The following FRMPD4 variants were observed in gnomAD, a reference collection of about 807,000 sequenced individuals.
FRMPD4 encodes the protein FERM and PDZ domain containing 4, also known as FERM and PDZ domain-containing protein 4.
In FRMPD4, 22 loss-of-function variants were observed where a neutral mutation model predicts 94.1. The observed-to-expected ratio is 0.23, with a 90% CI of 0.17 to 0.33. FRMPD4 has a LOEUF of 0.33. Among genes scored for constraint, FRMPD4 ranks in the 10% least tolerant of loss-of-function variants. The pLI, the probability that FRMPD4 is intolerant of heterozygous loss-of-function variation, is 1.00. For missense variants in FRMPD4, 1,111 were observed against 1,339.9 expected (o/e 0.83, Z 2.67); for synonymous variants, 631 against 548.6 (o/e 1.15, Z -2.10).
chrX:12,470,084 A>C (rs187368030), intron 1 of FRMPD4, among the ~76,000 whole-genome samples: 7 of 112,419 alleles, frequency 6.2e-5, no homozygotes, highest in Non-Finnish European at 1.1e-4. Flanking sequence ...CCCCAGATGC[A>C]GTATTATAAG....
chrX:12,626,096 G>A (rs1476635155), intron 4 of FRMPD4, among the ~76,000 whole-genome samples: 1 of 111,436 alleles, frequency 9.0e-6, no homozygotes, highest in Non-Finnish European at 1.9e-5. Context: ...GGAGGCCAAA[G>A]TGGGAGGATC....
intron 2 of FRMPD4, among the ~76,000 whole-genome samples, chrX:12,598,068 A>G (rs1340970141): frequency 9.0e-6 from 1 of 110,636 alleles, no homozygotes; most frequent in Non-Finnish European, 1.9e-5. Flanking sequence ...ATTAGTTGGT[A>G]TATTATAAAC....
At chrX:11,942,968 G>A (rs1165269792) in intron 3 of FRMPD4, among the ~76,000 whole-genome samples, 1 of 111,832 alleles carries the variant, frequency 8.9e-6, no homozygotes, top group Non-Finnish European at 1.9e-5. Flanking sequence ...ATATAAATTG[G>A]ATCTATTTTT....
chrX:12,483,462 A>G (rs941681118), intron 1 of FRMPD4, among the ~76,000 whole-genome samples: 2 of 112,348 alleles, frequency 1.8e-5, no homozygotes, highest in Non-Finnish European at 3.8e-5. Context: ...ATGGATCCCA[A>G]TTTAGCCTGT....
At chrX:11,930,339 G>C (rs2054116093) in intron 3 of FRMPD4, among the ~76,000 whole-genome samples, 1 of 110,535 alleles carries the variant, frequency 9.0e-6, no homozygotes, top group African/African-American at 3.3e-5. Context: ...TTTGGAGAAG[G>C]ACTTTGCAGA....
chrX:12,356,646 T>C (rs1378830292), intron 1 of FRMPD4, among the ~76,000 whole-genome samples: 3 of 112,307 alleles, frequency 2.7e-5, no homozygotes, highest in Non-Finnish European at 3.8e-5. Context: ...GTAAACTTCA[T>C]GCTTTTTGAA....
At chrX:12,524,927 T>C (rs1420636779) in intron 2 of FRMPD4, among the ~76,000 whole-genome samples, 1 of 111,842 alleles carries the variant, frequency 8.9e-6, no homozygotes. Flanking sequence ...TAAACTTTCT[T>C]CAAACATTGT....
At chrX:12,066,512 G>T (rs1220194960) in intron 3 of FRMPD4, among the ~76,000 whole-genome samples, 4 of 111,593 alleles carry the variant, frequency 3.6e-5, no homozygotes, top group Non-Finnish European at 7.5e-5. Context: ...TCTGCTTTTT[G>T]CCCTTTAAAC....
At chrX:12,370,131 G>T (rs1163168015) in intron 1 of FRMPD4, among the ~76,000 whole-genome samples, 1 of 111,132 alleles carries the variant, frequency 9.0e-6, no homozygotes, top group Admixed American at 9.6e-5. Context: ...CAAAGAAAGA[G>T]AATGTCCACA....
intron 3 of FRMPD4, among the ~76,000 whole-genome samples, chrX:11,929,088 G>T (rs929187146): frequency 8.9e-6 from 1 of 112,248 alleles, no homozygotes; most frequent in Admixed American, 9.4e-5. Flanking sequence ...AACAGCACAC[G>T]CTGGGGACTG....
In FRMPD4 at chrX:12,006,369, G is replaced by A. The variant is rs778690572; in HGVS notation, c.95+128351G>A. 5.4e-5 allele frequency among the ~76,000 whole-genome samples: 6 copies of A among 112,004 alleles called. No individual in the cohort carries two copies. The South Asian group carries it at 2.3e-3, about 42-fold the overall frequency. On this transcript the variant is annotated intron_variant, in intron 3 of 18. Transcript: ENST00000640291. Reference sequence around the variant, plus strand: ...TAGATATCATCTTATATTGAAGAAGGGATAACTGAAAATGAGCTTTATTGG... The same window carrying A: ...TAGATATCATCTTATATTGAAGAAGAGATAACTGAAAATGAGCTTTATTGG...
At chrX:12,197,101 G>A (rs1007320553) in intron 1 of FRMPD4, among the ~76,000 whole-genome samples, 1 of 111,389 alleles carries the variant, frequency 9.0e-6, no homozygotes, top group Non-Finnish European at 1.9e-5. Context: ...ATGTATTTAT[G>A]TGTTTTTTAA....
chrX:12,436,813 C>T (rs1051221142), intron 1 of FRMPD4, among the ~76,000 whole-genome samples: 10 of 111,277 alleles, frequency 9.0e-5, no homozygotes, highest in African/African-American at 3.3e-4. Context: ...TTGGCATATT[C>T]ATCACCTTAA....
At chrX:11,843,282 C>T (rs1463735877) in intron 1 of FRMPD4, among the ~76,000 whole-genome samples, 1 of 110,986 alleles carries the variant, frequency 9.0e-6, no homozygotes. Flanking sequence ...GTATTTTGGC[C>T]GCTTCTCTGT....
chrX:12,160,344 T>C (rs2056005279), intron 1 of FRMPD4, among the ~76,000 whole-genome samples: 1 of 111,749 alleles, frequency 8.9e-6, no homozygotes, highest in African/African-American at 3.3e-5. Context: ...CACTGTGGCA[T>C]CTCTTTGTTG....
intron 1 of FRMPD4, among the ~76,000 whole-genome samples, chrX:12,276,028 C>A (rs965970878): frequency 1.8e-5 from 2 of 111,593 alleles, no homozygotes; most frequent in African/African-American, 6.5e-5. Context: ...TTCACAAAAA[C>A]CTTGCTCCTT....
At chrX:12,034,655 GT>G (rs1007563881) in intron 3 of FRMPD4, among the ~76,000 whole-genome samples, 9 of 111,537 alleles carry the variant, frequency 8.1e-5, no homozygotes, top group Non-Finnish European at 1.7e-4. Flanking sequence ...AGTCTTTTCG[GT>G]TTTTTTTACT....
At chrX:12,501,477 T>C (rs1016371578) in intron 2 of FRMPD4, among the ~76,000 whole-genome samples, 3 of 109,327 alleles carry the variant, frequency 2.7e-5, no homozygotes, top group Admixed American at 9.8e-5. Context: ...TAATGTTTAT[T>C]ACAAAGAGGT....
intron 1 of FRMPD4, among the ~76,000 whole-genome samples, chrX:12,461,921 C>T (rs1243429024): frequency 9.0e-6 from 1 of 111,462 alleles, no homozygotes; most frequent in Non-Finnish European, 1.9e-5. Context: ...GGTAAATAAA[C>T]AAACAACCCC....
Sources: gnomAD v4.1 joint callset for allele counts (sites outside exome capture counted in the v4.1 genomes callset) on GRCh38, gnomAD v4.1.1 for gene constraint, MANE v1.5 for transcripts, NCBI Gene and HGNC (gene_info 2026-07-23, HGNC 2026-07-21) for gene names.